The following DENND3 variants were observed in gnomAD, a reference collection of about 807,000 sequenced individuals.
DENND3 encodes DENN domain containing 3.
Under a neutral mutation model 135.1 loss-of-function variants are expected in DENND3, and 88 were observed. That is an observed-to-expected ratio of 0.65 (90% CI 0.55 to 0.78). The LOEUF (loss-of-function observed/expected upper bound fraction) is 0.78, where lower values mean the gene tolerates loss of function less well. Among genes scored for constraint, DENND3 ranks in the 30% least tolerant of loss-of-function variants. The pLI is 0.00. For missense variants in DENND3, 1,392 were observed against 1,688.4 expected, an observed-to-expected ratio of 0.82 and a Z score of 3.08; for synonymous variants, 693 against 712.3, an observed-to-expected ratio of 0.97 and a Z score of 0.43.
At chr8:141,158,794 C>T (rs1819766065) in intron 8 of DENND3, among the ~76,000 whole-genome samples, 1 of 152,178 alleles carries the variant, frequency 6.6e-6, no homozygotes, top group African/African-American at 2.4e-5. Flanking sequence ...TCGCTCTCTC[C>T]CTGGGCAGCA....
chr8:141,135,340 C>T (rs139309338), intron 1 of DENND3, among the ~76,000 whole-genome samples: 45 of 151,940 alleles, frequency 3.0e-4, no homozygotes, highest in Admixed American at 1.8e-3. Flanking sequence ...TTTGTAGAGA[C>T]GAGGTCTCAT....
intron 13 of DENND3, among the ~76,000 whole-genome samples, chr8:141,169,371 G>A (rs1385699057): frequency 2.0e-5 from 3 of 152,266 alleles, no homozygotes; most frequent in African/African-American, 4.8e-5. Flanking sequence ...TCTGAGCTGC[G>A]CTCTGTGTGG....
intron 20 of DENND3, chr8:141,191,578 A>G (rs2154613585): frequency 6.6e-6 from 1 of 152,376 alleles, no homozygotes; most frequent in Admixed American, 6.5e-5. Context: ...ACCTGTTTTT[A>G]CTGACACCGT....
At chr8:141,135,236 C>T (rs1305655240) in intron 1 of DENND3, among the ~76,000 whole-genome samples, 1 of 151,650 alleles carries the variant, frequency 6.6e-6, no homozygotes, top group African/African-American at 2.4e-5. Context: ...ACTGCAGCCT[C>T]AACCTCCTGG....
intron 18 of DENND3, 131 bp downstream of exon 18, chr8:141,185,409 G>T: frequency 8.2e-7 from 1 of 1,226,244 alleles, no homozygotes. Flanking sequence ...TAAACAGGGG[G>T]TCTTAACTTT....
Position 141,194,481 on chromosome 8 carries a change from G to A in DENND3, c.*248G>A, listed in dbSNP as rs941136512. 245 of 531,570 alleles carry A rather than the reference G, an allele frequency of 4.6e-4. 1 individual carries two copies. Among genetic ancestry groups the A allele is most frequent in the Non-Finnish European group, 7.1e-5 (21 of 295,246 alleles). 32.9% of individuals were successfully genotyped at this position (531,570 alleles called of 1,614,324 possible). Reference sequence around the variant, plus strand: ...GGGTGTGTCTCAGGCAGGCAGCTGCGTCTTGTTGGTGATAACCTCTGCTGG... The same window carrying A: ...GGGTGTGTCTCAGGCAGGCAGCTGCATCTTGTTGGTGATAACCTCTGCTGG... On this transcript the variant is annotated 3_prime_UTR_variant, in exon 23 of 23. Transcript: ENST00000519811.
At chr8:141,132,300 T>C (rs1816215819) in intron 1 of DENND3, among the ~76,000 whole-genome samples, 1 of 152,194 alleles carries the variant, frequency 6.6e-6, no homozygotes, top group Non-Finnish European at 1.5e-5. Flanking sequence ...GCAAAGTGTG[T>C]CATGGAATTA....
chr8:141,185,345 C>A (rs778402168), intron 18 of DENND3, 67 bp downstream of exon 18: 25 of 1,598,668 alleles, frequency 1.6e-5, no homozygotes, highest in Non-Finnish European at 1.8e-5. Context: ...CAAGTGTGTT[C>A]ATCCATATTC....
rs754222945 is a variant in DENND3, at chr8:141,178,209, C to T, written c.2836+13C>T. 22 of 1,603,716 alleles carry T rather than the reference C, an allele frequency of 1.4e-5. No individual in the cohort carries two copies. Among genetic ancestry groups the T allele is most frequent in the South Asian group, 7.7e-5 (7 of 90,738 alleles). On this transcript the variant is annotated intron_variant, in intron 16 of 22. Coordinates refer to ENST00000519811, the MANE Select transcript of DENND3 (RefSeq NM_001352890.3). ...ATGAGTAACGAAAGTAAGATAAGCCCGTTCTTAGCGTGGATCATTGTCCTG... is the reference window on the plus strand; with the variant it reads ...ATGAGTAACGAAAGTAAGATAAGCCTGTTCTTAGCGTGGATCATTGTCCTG...
Position 141,194,053 on chromosome 8 carries a change from G to T in DENND3, c.3657G>T (p.Gly1219=). ...GGCAGGTCTGGGTGGGCAGCCGAGG[G>T]CTGGGGCAGGGAACACCCAAGGGGA... ...VKKQVWVGSR[G]LGQGTPKGKI... is the part of the protein sequence containing the mutation. Residue 1219 remains glycine (G), a synonymous_variant, in exon 23 of 23, where the codon GGG becomes GGT. Transcript: ENST00000519811. 9 of 1,613,732 alleles carry T rather than the reference G, an allele frequency of 5.6e-6. No homozygotes were observed. Among genetic ancestry groups the T allele is most frequent in the African/African-American group, 1.3e-5 (1 of 75,080 alleles).
intron 1 of DENND3, among the ~76,000 whole-genome samples, chr8:141,131,422 C>T (rs974336808): frequency 2.6e-5 from 4 of 152,150 alleles, no homozygotes; most frequent in African/African-American, 7.2e-5. Flanking sequence ...TGGTGGACAT[C>T]GTCCTGACTT....
At chr8:141,177,970 C>T (rs1822609892) in intron 15 of DENND3, 97 bp from the exon 16 acceptor site, 13 of 1,423,426 alleles carry the variant, frequency 9.1e-6, no homozygotes, top group Non-Finnish European at 1.2e-5. Flanking sequence ...TGGAAAAAGG[C>T]ATTTTGGAAG....
In DENND3 at chr8:141,168,443, C is replaced by T. The variant is rs376076551; in HGVS notation, c.2193C>T (p.Gly731=). 1.4e-5 allele frequency: 23 copies of T among 1,613,658 alleles called. No individual in the cohort carries two copies. Among genetic ancestry groups the T allele is most frequent in the East Asian group, 2.2e-5 (1 of 44,896 alleles). ...TGCCCAAGAAGCACATGCAGCTGGG[C>T]GACTTCATGAAGCGGGTCCAGGAGT... ...FKLPKKHMQL[G]DFMKRVQESG... The change falls in exon 13 of 23, where the codon GGC becomes GGT. Residue 731 remains glycine, a synonymous_variant. Transcript: ENST00000519811. This position sits in a 1 kb window ranked among gnomAD's most constrained non-coding sequence, Gnocchi z 6.2.
At chr8:141,150,381 T>C in intron 5 of DENND3, 1 of 1,189,136 alleles carries the variant, frequency 8.4e-7, no homozygotes, top group Non-Finnish European at 1.1e-6. Flanking sequence ...TTTCTTAAAA[T>C]TTGAAATGCA....
chr8:141,193,635 C>G (rs2154613616), intron 22 of DENND3: 1 of 176,572 alleles, frequency 5.7e-6, no homozygotes. Flanking sequence ...TCCCCCATAA[C>G]TTAATTGGGG....
Position 141,141,144 on chromosome 8 carries a change from A to G in DENND3, c.502-59A>G. The G allele has an allele frequency of 6.2e-7, 1 of 1,612,344 alleles. No individual in the cohort carries two copies. On this transcript the variant is annotated intron_variant, in intron 3 of 22. Transcript: ENST00000519811. This position sits in a 1 kb window ranked among gnomAD's most constrained non-coding sequence, Gnocchi z 5.3. The stretch of plus-strand genomic sequence containing the variant: ...GTGCTGAAACGTGACCCAGTTGGAA[A>G]CAGATACTGGAATTGCCAAGGTGGG...
chr8:141,141,223 T>C lies in DENND3; in HGVS notation c.522T>C (p.Asn174=), dbSNP rs777512124. The C allele has an allele frequency of 1.2e-6, 2 of 1,614,176 alleles. No individual in the cohort carries two copies. Among genetic ancestry groups the C allele is most frequent in the Non-Finnish European group, 1.7e-6 (2 of 1,179,996 alleles). ...TGTAGGATGAGTACTGTTTCTACAATGGCAAAACGCACCGGGAGTGTCCTG... is the reference window on the plus strand; with the variant it reads ...TGTAGGATGAGTACTGTTTCTACAACGGCAAAACGCACCGGGAGTGTCCTG... ...RPLHDEYCFY[N]GKTHRECPGC... Residue 174 remains asparagine, a synonymous_variant, in exon 4 of 23, where the codon AAT becomes AAC. Coordinates refer to ENST00000519811, the MANE Select transcript of DENND3 (RefSeq NM_001352890.3). The surrounding 1 kb of genome is among the most constrained non-coding windows in gnomAD (Gnocchi z 5.3).
chr8:141,134,293 AT>A (rs1328207623), intron 1 of DENND3, among the ~76,000 whole-genome samples: 1 of 151,482 alleles, frequency 6.6e-6, no homozygotes, highest in Non-Finnish European at 1.5e-5. Flanking sequence ...TTTATTTTTT[AT>A]TTTTATTTTA....
At chr8:141,176,181 A>G (rs1016039427) in intron 14 of DENND3, 2 of 186,704 alleles carry the variant, frequency 1.1e-5, no homozygotes, top group Admixed American at 1.2e-4. Flanking sequence ...CCTTCAGTTT[A>G]TGCTTTTTTC....
Sources: allele counts gnomAD v4.1 joint callset (sites outside exome capture counted in the v4.1 genomes callset), GRCh38; gene constraint gnomAD v4.1.1; non-coding constraint Gnocchi (gnomAD v3.1); transcripts MANE v1.5; gene names NCBI Gene and HGNC (gene_info 2026-07-23, HGNC 2026-07-21).